PLAC8L1: variants seen among roughly 807,000 people sequenced by gnomAD.
The protein encoded by PLAC8L1 is PLAC8 like 1.
A neutral mutation model predicts 16.3 loss-of-function variants in PLAC8L1; 13 were observed. The observed-to-expected ratio is 0.80, with a 90% CI of 0.52 to 1.27. The LOEUF (loss-of-function observed/expected upper bound fraction) is 1.27, where lower values mean the gene tolerates loss of function less well. PLAC8L1 is among the 50% of genes most tolerant of loss of function. PLAC8L1 has a pLI of 0.00. For missense variants in PLAC8L1, 184 were observed against 220.2 expected, an observed-to-expected ratio of 0.84 and a Z score of 1.04; for synonymous variants, 78 against 79.3, an observed-to-expected ratio of 0.98 and a Z score of 0.09.
Position 146,084,339 on chromosome 5 carries a change from C to T in PLAC8L1, c.*93G>A, listed in dbSNP as rs560057482. ...AGGGGGGAAATCATTTATTTTCATA[C>T]CATTTCAGTAAAAACTTAGGAAAAA... is the stretch of plus-strand genomic sequence containing the variant. On this transcript the variant is annotated 3_prime_UTR_variant, in exon 4 of 4. Coordinates refer to ENST00000311450, the MANE Select transcript of PLAC8L1 (RefSeq NM_001029869.3). The T allele has an allele frequency of 7.6e-6, 11 of 1,438,786 alleles. No homozygotes were observed. The Admixed American group carries it at 1.2e-4, about 15-fold the overall frequency. 89.1% of individuals were successfully genotyped at this position (1,438,786 alleles called of 1,614,324 possible). A position where few individuals can be genotyped will look rare whatever the true frequency, so the allele number is the denominator to read the frequency against.
At chr5:146,101,926 G>A (rs1025609593) in intron 1 of PLAC8L1, among the ~76,000 whole-genome samples, 5 of 151,948 alleles carry the variant, frequency 3.3e-5, no homozygotes, top group African/African-American at 4.8e-5. Flanking sequence ...TATTATGTGC[G>A]TGACACCTTT....
chr5:146,086,910 A>G (rs1763525218), intron 2 of PLAC8L1, among the ~76,000 whole-genome samples: 1 of 152,222 alleles, frequency 6.6e-6, no homozygotes, highest in Non-Finnish European at 1.5e-5. Context: ...TTTATATATA[A>G]GAAAATGCAC....
chr5:146,087,155 C>T (rs992991469), intron 2 of PLAC8L1, among the ~76,000 whole-genome samples: 1 of 152,188 alleles, frequency 6.6e-6, no homozygotes, highest in Non-Finnish European at 1.5e-5. Flanking sequence ...TGGCTTCTTT[C>T]GTTCAACATC....
chr5:146,100,068 C>T (rs927845618), intron 1 of PLAC8L1, among the ~76,000 whole-genome samples: 3 of 152,180 alleles, frequency 2.0e-5, no homozygotes, highest in African/African-American at 7.2e-5. Flanking sequence ...TTTTTAAGCA[C>T]TCATGCCATT....
intron 1 of PLAC8L1, among the ~76,000 whole-genome samples, chr5:146,103,144 T>A (rs1763849011): frequency 2.6e-5 from 4 of 152,172 alleles, no homozygotes; most frequent in Admixed American, 2.0e-4. Context: ...CTTAAATCCA[T>A]GAGCAAGACT....
At chr5:146,084,594 T>G (rs1235349111) in intron 3 of PLAC8L1, 22 bp from the exon 4 acceptor site, 2 of 1,612,416 alleles carry the variant, frequency 1.2e-6, no homozygotes, top group Non-Finnish European at 1.7e-6. Flanking sequence ...CCAGAATCTG[T>G]TCTGTTGTAG....
chr5:146,089,858 C>A (rs1220995767), intron 2 of PLAC8L1, among the ~76,000 whole-genome samples: 1 of 151,734 alleles, frequency 6.6e-6, no homozygotes, highest in African/African-American at 2.4e-5. Context: ...CCTGCCTCAG[C>A]CTCTCGAGTA....
intron 2 of PLAC8L1, among the ~76,000 whole-genome samples, chr5:146,087,713 C>T (rs1763540387): frequency 6.6e-6 from 1 of 152,096 alleles, no homozygotes; most frequent in Non-Finnish European, 1.5e-5. Flanking sequence ...TCTCACATTG[C>T]TATAAAGAAA....
In PLAC8L1 at chr5:146,091,097, G is replaced by A. The variant is rs148914397; in HGVS notation, c.257-5500C>T. Among the ~76,000 whole-genome samples, 31 of 152,236 alleles carry A rather than the reference G, an allele frequency of 2.0e-4. No homozygotes were observed. The East Asian group carries it at 5.8e-3, about 28-fold the overall frequency. On this transcript the variant is annotated intron_variant, in intron 2 of 3. Transcript: ENST00000311450. ...AATATGATATATTGTGGGGAGCCAT[G>A]AAGAAATAAGTACTCCACACACAGA...
rs1026899051 is a variant in PLAC8L1, at chr5:146,104,969, C to T, written c.-658G>A. ...AGTGGCATTTCTTTCCTACCCAGTCCAGACGGAATCTAGTAACTGAAGCAA... is the reference window on the plus strand; with the variant it reads ...AGTGGCATTTCTTTCCTACCCAGTCTAGACGGAATCTAGTAACTGAAGCAA... On this transcript the variant is annotated 5_prime_UTR_variant, in exon 1 of 4. The change creates a premature stop within an existing upstream ORF in the 5' untranslated region. Coordinates refer to ENST00000311450, the MANE Select transcript of PLAC8L1 (RefSeq NM_001029869.3). 4.6e-4 allele frequency among the ~76,000 whole-genome samples: 70 copies of T among 152,248 alleles called. No homozygotes were observed. The highest frequency in any genetic ancestry group is 1.6e-3 in the African/African-American group (67 of 41,544).
intron 1 of PLAC8L1, 150 bp from the exon 2 acceptor site, chr5:146,098,442 C>T (rs2150037221): frequency 3.4e-6 from 2 of 596,404 alleles, no homozygotes; most frequent in Non-Finnish European, 5.5e-6. Context: ...TCCCTCCCTC[C>T]TCCCCCTCCA....
intron 3 of PLAC8L1, 68 bp from the exon 4 acceptor site, chr5:146,084,640 A>C: frequency 1.3e-6 from 2 of 1,582,354 alleles, no homozygotes. Flanking sequence ...AGGGTCCTGT[A>C]CAATGTTACC....
rs184818586 is a variant in PLAC8L1 at position 146,104,802 on chromosome 5, G to A, written c.-491C>T. On this transcript the variant is annotated 5_prime_UTR_variant, in exon 1 of 4. Transcript: ENST00000311450. ...CAGGAGCAAAAAAAAGTCTTTCAGCGCAGGTATTGTATTTGAATCCATCTT... is the reference window on the plus strand; with the variant it reads ...CAGGAGCAAAAAAAAGTCTTTCAGCACAGGTATTGTATTTGAATCCATCTT... 1.9e-4 allele frequency: 29 copies of A among 155,422 alleles called. No individual in the cohort carries two copies. Among genetic ancestry groups the A allele is most frequent in the Admixed American group, 3.9e-4 (6 of 15,380 alleles). The allele number at this position is 155,422 out of a possible 1,614,324, so 9.6% of individuals were successfully genotyped here. A position where few individuals can be genotyped will look rare whatever the true frequency, so the allele number is the denominator to read the frequency against.
chr5:146,098,032 G>T (rs1763744269), intron 2 of PLAC8L1, 124 bp downstream of exon 2: 5 of 1,159,904 alleles, frequency 4.3e-6, no homozygotes, highest in Non-Finnish European at 5.9e-6. Flanking sequence ...GTCACTGAAA[G>T]ATTAGTCCAG....
intron 1 of PLAC8L1, chr5:146,103,667 T>C: frequency 1.0e-6 from 1 of 985,342 alleles, no homozygotes; most frequent in African/African-American, 1.7e-5. Context: ...TGTTAAAGTT[T>C]GATGGATGAG....
At chr5:146,099,570 A>T (rs1763774881) in intron 1 of PLAC8L1, 1 of 151,442 alleles carries the variant, frequency 6.6e-6, no homozygotes, top group Admixed American at 6.6e-5. Flanking sequence ...GAGGCGGGAG[A>T]ATCGCTTGAA....
intron 2 of PLAC8L1, among the ~76,000 whole-genome samples, chr5:146,090,306 G>A (rs1467858561): frequency 6.6e-6 from 1 of 151,960 alleles, no homozygotes; most frequent in Non-Finnish European, 1.5e-5. Context: ...GGCCGAGGCG[G>A]GTGGATCATT....
chr5:146,085,066 G>C (rs1763485493), intron 3 of PLAC8L1, among the ~76,000 whole-genome samples: 1 of 139,950 alleles, frequency 7.1e-6, no homozygotes, highest in Non-Finnish European at 1.6e-5. Flanking sequence ...TACATATATA[G>C]TCTTTTAAAA....
Position 146,104,538 on chromosome 5 carries a change from T to C in PLAC8L1, c.-227A>G, listed in dbSNP as rs985563443. 5 of 422,066 alleles carry C rather than the reference T, an allele frequency of 1.2e-5. No homozygotes were observed. Among genetic ancestry groups the C allele is most frequent in the Non-Finnish European group, 2.2e-5 (5 of 230,928 alleles). The allele number at this position is 422,066 out of a possible 1,614,324, so 26.1% of individuals were successfully genotyped here. A position where few individuals can be genotyped will look rare whatever the true frequency, so the allele number is the denominator to read the frequency against. On this transcript the variant is annotated 5_prime_UTR_variant, in exon 1 of 4. Transcript: ENST00000311450. ...CATCTTACTAATCTGTAGGGAGATA[T>C]TGCTGGAGTATAGAGTAAATAGAAG...
Sources: allele counts gnomAD v4.1 joint callset (sites outside exome capture counted in the v4.1 genomes callset), GRCh38; gene constraint gnomAD v4.1.1; transcripts MANE v1.5; gene names NCBI Gene and HGNC (gene_info 2026-07-23, HGNC 2026-07-21).